SHLD1: variants seen among roughly 807,000 people sequenced by gnomAD.
SHLD1 encodes RINN1-REV7-interacting novel NHEJ regulator 3.
SHLD1 carries 3 observed loss-of-function variants against 5.5 expected under a neutral mutation model. The observed-to-expected ratio is 0.54, with a 90% CI of 0.25 to 1.40. The LOEUF is 1.40. SHLD1 is among the 40% of genes most tolerant of loss of function. SHLD1 has a pLI of 0.15. For synonymous variants in SHLD1, 92 were observed against 94.3 expected (o/e 0.98, Z 0.14); for missense variants, 210 against 244.4 (o/e 0.86, Z 0.94).
At chr20:5,773,819 C>A (rs773407196) in intron 2 of SHLD1, among the ~76,000 whole-genome samples, 6 of 152,130 alleles carry the variant, frequency 3.9e-5, no homozygotes, top group Non-Finnish European at 5.9e-5. Flanking sequence ...TCCACCCAGT[C>A]AGGTTTAGCT....
At chr20:5,780,181 G>A (rs1985626116) in intron 2 of SHLD1, among the ~76,000 whole-genome samples, 1 of 152,010 alleles carries the variant, frequency 6.6e-6, no homozygotes, top group African/African-American at 2.4e-5. Context: ...GTTTTGCCAT[G>A]TTGGCCAGTC....
At chr20:5,842,452 T>C (rs959395183) in intron 2 of SHLD1, among the ~76,000 whole-genome samples, 1 of 152,262 alleles carries the variant, frequency 6.6e-6, no homozygotes, top group African/African-American at 2.4e-5. Flanking sequence ...TTGGTAATTA[T>C]TTTCTTGGAA....
intron 2 of SHLD1, among the ~76,000 whole-genome samples, chr20:5,810,259 A>G (rs1027192661): frequency 7.5e-6 from 1 of 133,994 alleles, no homozygotes; most frequent in Non-Finnish European, 1.6e-5. Flanking sequence ...TCTGTCTCGG[A>G]AAAAAAAAAA....
Position 5,806,690 on chromosome 20 carries a change from T to C in SHLD1, c.178+33647T>C, listed in dbSNP as rs1151949. Among the ~76,000 whole-genome samples the C allele has an allele frequency of 0.57, 85,952 of 152,118 alleles. 25,488 individuals are homozygous for C. The highest frequency in any genetic ancestry group is 0.8 in the East Asian group (4,161 of 5,184). ...GAGAGATTCAGCATCACCATGTCAT[T>C]GCAGAATGAAGGGAGAGTTGGCTTT... On this transcript the variant is annotated intron_variant, in intron 2 of 2. Transcript: ENST00000303142. The surrounding 1 kb of genome is among the most constrained non-coding windows in gnomAD (Gnocchi z 7.6).
chr20:5,801,401 T>C (rs2087292181), intron 2 of SHLD1, among the ~76,000 whole-genome samples: 1 of 152,202 alleles, frequency 6.6e-6, no homozygotes, highest in Non-Finnish European at 1.5e-5. Context: ...ATGTTGCTAT[T>C]GCCTTACAGA....
intron 2 of SHLD1, chr20:5,773,514 C>T (rs970662146): frequency 4.1e-5 from 9 of 222,070 alleles, no homozygotes; most frequent in Non-Finnish European, 7.1e-5. Context: ...ACTAGATTGC[C>T]GAAACATCTA....
At chr20:5,751,906 T>A (rs546708892) in intron 1 of SHLD1, among the ~76,000 whole-genome samples, 39 of 152,206 alleles carry the variant, frequency 2.6e-4, no homozygotes, top group African/African-American at 8.4e-4. Flanking sequence ...TGTCCAAGGG[T>A]GGTCTTAGAA....
intron 2 of SHLD1, among the ~76,000 whole-genome samples, chr20:5,783,157 G>T (rs917040442): frequency 6.6e-6 from 1 of 152,174 alleles, no homozygotes; most frequent in Non-Finnish European, 1.5e-5. Flanking sequence ...GCTTTATTTG[G>T]AAGGTTTGGG....
At chr20:5,814,486 C>G (rs1294699) in intron 2 of SHLD1, among the ~76,000 whole-genome samples, 24,377 of 151,994 alleles carry the variant, frequency 0.16, 2,517 homozygotes, top group Non-Finnish European at 0.22. Context: ...TAAAATTCTT[C>G]TGAGCACAGT....
rs114437363 is a variant in SHLD1, at chr20:5,831,018, A to G, written c.179-32006A>G. ...ATAATTTAATAAAAAGTAAAAAAAA[A>G]TCAGTTTGAAAATAAGGCATTGCAA... On this transcript the variant is annotated intron_variant, in intron 2 of 2. Coordinates refer to ENST00000303142, the MANE Select transcript of SHLD1 (RefSeq NM_152504.4). Among the ~76,000 whole-genome samples, 820 of 152,308 alleles carry G rather than the reference A, an allele frequency of 5.4e-3. 5 individuals carry two copies. Among genetic ancestry groups the G allele is most frequent in the African/African-American group, 0.019 (777 of 41,558 alleles).
chr20:5,775,922 G>GGTTTTTTTTTTTTTTTTTT (rs1391999872), intron 2 of SHLD1, among the ~76,000 whole-genome samples: 1 of 63,448 alleles, frequency 1.6e-5, no homozygotes, highest in Non-Finnish European at 3.1e-5. Flanking sequence ...GTCAGCTCAG[G>GGTTTTTTTTTTTTTTTTTT]ATTTTTTTTT....
intron 1 of SHLD1, among the ~76,000 whole-genome samples, chr20:5,763,557 G>T (rs1218799203): frequency 1.3e-5 from 2 of 152,082 alleles, no homozygotes; most frequent in Non-Finnish European, 2.9e-5. Flanking sequence ...ATGTGTAATT[G>T]ACGATTCTCC....
chr20:5,856,600 GGGCA>G (rs2088088954), intron 2 of SHLD1, among the ~76,000 whole-genome samples: 1 of 152,220 alleles, frequency 6.6e-6, no homozygotes, highest in Non-Finnish European at 1.5e-5. Flanking sequence ...ACCTTATCCA[GGGCA>G]TGGTGAGGCT....
At chr20:5,762,204 A>G (rs1421900700) in intron 1 of SHLD1, among the ~76,000 whole-genome samples, 3 of 151,850 alleles carry the variant, frequency 2.0e-5, no homozygotes, top group Non-Finnish European at 4.4e-5. Context: ...GTGAGCCGAG[A>G]TTGCACAACA....
intron 1 of SHLD1, among the ~76,000 whole-genome samples, chr20:5,765,430 G>A (rs990401130): frequency 4.0e-5 from 6 of 151,768 alleles, no homozygotes; most frequent in Non-Finnish European, 8.8e-5. Context: ...TGTATTTTTA[G>A]TAGAGACGGG....
At chr20:5,796,184 A>G (rs1047500955) in intron 2 of SHLD1, among the ~76,000 whole-genome samples, 1 of 152,130 alleles carries the variant, frequency 6.6e-6, no homozygotes, top group Non-Finnish European at 1.5e-5. Context: ...AAGAGCAATA[A>G]TCCAAATTTT....
chr20:5,794,691 G>A (rs6053707), intron 2 of SHLD1, among the ~76,000 whole-genome samples: 44,461 of 152,126 alleles, frequency 0.29, 6,485 homozygotes, highest in Middle Eastern at 0.34. Context: ...TCTACAAATA[G>A]TCTTATGGTG....
intron 2 of SHLD1, among the ~76,000 whole-genome samples, chr20:5,796,510 A>G (rs966831119): frequency 1.3e-5 from 2 of 152,106 alleles, no homozygotes; most frequent in Non-Finnish European, 2.9e-5. Context: ...TGAATTTGAA[A>G]CATTTTCAGC....
At chr20:5,770,902 C>A (rs976849284) in intron 1 of SHLD1, among the ~76,000 whole-genome samples, 1 of 152,166 alleles carries the variant, frequency 6.6e-6, no homozygotes, top group Admixed American at 6.5e-5. Context: ...TGGTTAGGTA[C>A]ATTATCTATT....
Sources: gnomAD v4.1 joint callset for allele counts (sites outside exome capture counted in the v4.1 genomes callset) on GRCh38, gnomAD v4.1.1 for gene constraint, Gnocchi (gnomAD v3.1) non-coding constraint, MANE v1.5 for transcripts, NCBI Gene and HGNC (gene_info 2026-07-23, HGNC 2026-07-21) for gene names.